SDK1: variants seen among roughly 807,000 people sequenced by gnomAD.
The protein encoded by SDK1 is sidekick cell adhesion molecule 1, also known as protein sidekick-1.
SDK1 carries 157 observed loss-of-function variants against 245.5 expected under a neutral mutation model. The ratio of observed to expected loss-of-function variants is 0.64; its 90% confidence interval spans 0.56 to 0.73. SDK1 has a LOEUF of 0.73. Among genes scored for constraint, SDK1 ranks in the 30% least tolerant of loss-of-function variants. The pLI is 0.00. For synonymous variants in SDK1, 1,647 were observed against 1,278.5 expected (o/e 1.29, Z -6.15); for missense variants, 3,583 against 3,002.3 (o/e 1.19, Z -4.52).
intron 17 of SDK1, among the ~76,000 whole-genome samples, chr7:4,022,240 G>A (rs1786951271): frequency 6.6e-6 from 1 of 152,230 alleles, no homozygotes; most frequent in South Asian, 2.1e-4. Context: ...TCGACAGCAT[G>A]TCAGAGAGCA....
chr7:4,158,871 T>C (rs1180398962), intron 31 of SDK1, among the ~76,000 whole-genome samples: 1 of 152,212 alleles, frequency 6.6e-6, no homozygotes, highest in Non-Finnish European at 1.5e-5. Flanking sequence ...TTAAGAGATT[T>C]TCCCCATTTT....
At chr7:3,544,846 TCA>T (rs1419016615) in intron 1 of SDK1, among the ~76,000 whole-genome samples, 1 of 152,178 alleles carries the variant, frequency 6.6e-6, no homozygotes, top group Admixed American at 6.5e-5. Context: ...TCACTGCTCG[TCA>T]CAGTTACCCA....
At chr7:3,565,968 C>T (rs1279196683) in intron 1 of SDK1, among the ~76,000 whole-genome samples, 3 of 151,922 alleles carry the variant, frequency 2.0e-5, no homozygotes, top group Admixed American at 6.6e-5. Flanking sequence ...TAGTAGTATC[C>T]AATTAAAAAT....
intron 4 of SDK1, among the ~76,000 whole-genome samples, chr7:3,724,970 G>A (rs554445673): frequency 1.2e-4 from 18 of 152,326 alleles, no homozygotes; most frequent in African/African-American, 3.6e-4. Context: ...ATAGATTTTC[G>A]TGGACAGCCA....
intron 29 of SDK1, among the ~76,000 whole-genome samples, chr7:4,147,662 C>A (rs1780067433): frequency 6.6e-6 from 1 of 152,070 alleles, no homozygotes; most frequent in Admixed American, 6.6e-5. Context: ...CCCTCAGTCG[C>A]CACAGACACC....
At chr7:3,988,755 C>A (rs1170302526) in intron 14 of SDK1, among the ~76,000 whole-genome samples, 1 of 152,130 alleles carries the variant, frequency 6.6e-6, no homozygotes, top group Non-Finnish European at 1.5e-5. Flanking sequence ...GCACGCCAGC[C>A]CGATTTCACC....
chr7:3,763,525 A>G (rs1780165555), intron 4 of SDK1, among the ~76,000 whole-genome samples: 1 of 152,230 alleles, frequency 6.6e-6, no homozygotes, highest in South Asian at 2.1e-4. Context: ...AGCTGCAGGC[A>G]TCAGTACACG....
chr7:3,962,382 A>G (rs1488920324), intron 8 of SDK1, among the ~76,000 whole-genome samples: 2 of 152,140 alleles, frequency 1.3e-5, no homozygotes, highest in African/African-American at 4.8e-5. Flanking sequence ...TCCTTTCCAA[A>G]CAAGAGCATG....
At chr7:3,409,017 G>C (rs1409761185) in intron 1 of SDK1, among the ~76,000 whole-genome samples, 6 of 152,180 alleles carry the variant, frequency 3.9e-5, no homozygotes, top group Non-Finnish European at 7.3e-5. Flanking sequence ...CATAGTGCTG[G>C]CTTGTCAGGC....
rs547896325 is a variant in SDK1 at position 3,903,777 on chromosome 7, G to C, written c.848-47146G>C. Among the ~76,000 whole-genome samples the C allele has an allele frequency of 9.2e-5, 14 of 152,246 alleles. No individual in the cohort carries two copies. The South Asian group carries it at 2.9e-3, about 32-fold the overall frequency. Reference sequence around the variant, plus strand: ...AAATTTGATCTCCCGTGTTGGAGGTGGGGCCTCATGGGAGGTGTTTGGGTC... The same window carrying C: ...AAATTTGATCTCCCGTGTTGGAGGTCGGGCCTCATGGGAGGTGTTTGGGTC... On this transcript the variant is annotated intron_variant, in intron 5 of 44. Transcript: ENST00000404826.
At chr7:3,877,997 A>T (rs1310854720) in intron 5 of SDK1, among the ~76,000 whole-genome samples, 1 of 152,242 alleles carries the variant, frequency 6.6e-6, no homozygotes, top group African/African-American at 2.4e-5. Context: ...GGGAATGCCT[A>T]TTTTAAATAA....
intron 1 of SDK1, among the ~76,000 whole-genome samples, chr7:3,334,592 A>G (rs940334647): frequency 1.3e-5 from 2 of 152,122 alleles, no homozygotes; most frequent in African/African-American, 4.8e-5. Context: ...AGGCCCCACG[A>G]CAGCCTCGCC....
chr7:3,616,508 C>T (rs547037977), intron 1 of SDK1, among the ~76,000 whole-genome samples: 29 of 152,336 alleles, frequency 1.9e-4, no homozygotes, highest in Non-Finnish European at 3.4e-4. Context: ...GCCTGCTTAA[C>T]GGTTTGGAGT....
At chr7:3,686,631 ATTGG>A (rs34824147) in intron 4 of SDK1, among the ~76,000 whole-genome samples, 126,246 of 151,608 alleles carry the variant, frequency 0.83, 52,715 homozygotes, top group Non-Finnish European at 0.86. Flanking sequence ...AAATTGAAAG[ATTGG>A]TTGGGTGACA....
chr7:4,220,190 C>T lies in SDK1; in HGVS notation c.5621C>T (p.Thr1874Ile), dbSNP rs1175854263. The T allele has an allele frequency of 6.2e-7, 1 of 1,614,088 alleles. No individual in the cohort carries two copies. The highest frequency in any genetic ancestry group is 1.1e-5 in the South Asian group (1 of 91,078). The change falls in exon 39 of 45, where the codon ACC becomes ATC. Residue 1874 changes from threonine (T) to isoleucine (I), a missense_variant. Coordinates refer to ENST00000404826, the MANE Select transcript of SDK1 (RefSeq NM_152744.4). ...GTGCGGGACCTCACCAAGGGAGTGA[C>T]CTATTTCTTCCGTGTCCAAGCGCGG... The part of the protein sequence containing the change: ...LKVRDLTKGV[T>I]YFFRVQARTI...
Position 4,265,188 on chromosome 7 carries a change from A to T in SDK1, c.6446A>T (p.Asp2149Val). Residue 2149 changes from aspartate to valine, a missense_variant, in exon 45 of 45, where the codon GAC becomes GTC. By Grantham distance (152) the Asp-to-Val change is radical (BLOSUM62 -3). Transcript: ENST00000404826. The stretch of plus-strand genomic sequence containing the variant: ...TCCTTCGTGAACCACTACATGAGCG[A>T]CCCCACCTACTACAACTCATGGAAG... ...KHSFVNHYMSDPTYYNSWKRR... is the reference protein window; with the variant it reads ...KHSFVNHYMSVPTYYNSWKRR... The T allele has an allele frequency of 6.2e-7, 1 of 1,611,964 alleles. No individual in the cohort carries two copies. Among genetic ancestry groups the T allele is most frequent in the Non-Finnish European group, 8.5e-7 (1 of 1,179,606 alleles).
At chr7:3,361,167 A>G (rs1780941474) in intron 1 of SDK1, among the ~76,000 whole-genome samples, 2 of 152,202 alleles carry the variant, frequency 1.3e-5, no homozygotes, top group African/African-American at 2.4e-5. Context: ...ACAATTATTT[A>G]TGGCCAGGTG....
chr7:4,220,057 G>A, intron 38 of SDK1, 52 bp from the exon 39 acceptor site: 1 of 1,588,454 alleles, frequency 6.3e-7, no homozygotes, highest in Non-Finnish European at 8.6e-7. Context: ...ACAGTGGACA[G>A]TTGCTTCTCC....
intron 1 of SDK1, among the ~76,000 whole-genome samples, chr7:3,364,262 T>C (rs2128561443): frequency 6.6e-6 from 1 of 152,330 alleles, no homozygotes; most frequent in Non-Finnish European, 1.5e-5. Context: ...ACAGGGTCTT[T>C]TGCGTAGAAA....
Sources: allele counts gnomAD v4.1 joint callset (sites outside exome capture counted in the v4.1 genomes callset), GRCh38; gene constraint gnomAD v4.1.1; transcripts MANE v1.5; gene names NCBI Gene and HGNC (gene_info 2026-07-23, HGNC 2026-07-21).